The following ITGAE variants were observed in gnomAD, a reference collection of about 807,000 sequenced individuals.
ITGAE encodes the protein integrin subunit alpha E.
Under a neutral mutation model 136.5 loss-of-function variants are expected in ITGAE, and 99 were observed. The observed-to-expected ratio is 0.73, with a 90% CI of 0.62 to 0.86. The LOEUF (loss-of-function observed/expected upper bound fraction) is 0.86, where lower values mean the gene tolerates loss of function less well. ITGAE is among the 40% of genes least tolerant of loss of function. The probability of loss-of-function intolerance (pLI) is 0.00; values close to 1 mark genes in which losing one functional copy is unlikely to be tolerated. For missense variants in ITGAE, 1,447 were observed against 1,515.3 expected, an observed-to-expected ratio of 0.95 and a Z score of 0.75; for synonymous variants, 613 against 591.8, an observed-to-expected ratio of 1.04 and a Z score of -0.52.
intron 13 of ITGAE, 105 bp downstream of exon 13, chr17:3,753,678 G>T: frequency 7.0e-7 from 1 of 1,421,194 alleles, no homozygotes; most frequent in Non-Finnish European, 9.5e-7. Context: ...GTTTCACCCA[G>T]CCCGGGCCCT....
In ITGAE at chr17:3,798,618, C is replaced by T. The variant is rs559597350; in HGVS notation, c.34+2493G>A. ...CACGCACAGGCCCGGGGTGATGCCCCGGCACAGCCCCTGGCCTCAGCCCGA... is the reference window on the plus strand; with the variant it reads ...CACGCACAGGCCCGGGGTGATGCCCTGGCACAGCCCCTGGCCTCAGCCCGA... On this transcript the variant is annotated intron_variant, in intron 1 of 30. Transcript: ENST00000263087. This position sits in a 1 kb window ranked among gnomAD's most constrained non-coding sequence, Gnocchi z 4.3. Among the ~76,000 whole-genome samples, 6 of 152,306 alleles carry T rather than the reference C, an allele frequency of 3.9e-5. No individual in the cohort carries two copies. The highest frequency in any genetic ancestry group is 2.6e-4 in the Admixed American group (4 of 15,296).
intron 2 of ITGAE, 45 bp from the exon 3 acceptor site, chr17:3,764,005 T>C (rs372179412): frequency 3.0e-5 from 41 of 1,386,014 alleles, no homozygotes; most frequent in African/African-American, 5.7e-5. Flanking sequence ...CTGATGTTCC[T>C]CGTCTTCTCC....
At chr17:3,766,318 CAG>C (rs1019945367) in intron 2 of ITGAE, among the ~76,000 whole-genome samples, 8 of 152,148 alleles carry the variant, frequency 5.3e-5, no homozygotes, top group Admixed American at 2.0e-4. Flanking sequence ...GCAGGAGAAT[CAG>C]AGTCGGAGAA....
intron 1 of ITGAE, among the ~76,000 whole-genome samples, chr17:3,789,650 G>A (rs1298119166): frequency 1.3e-5 from 2 of 152,074 alleles, no homozygotes; most frequent in Non-Finnish European, 2.9e-5. Context: ...GCAGGCATGT[G>A]CCACCACACC....
rs748662940 is a variant in ITGAE at position 3,727,962 on chromosome 17, C to T, written c.3041G>A (p.Arg1014Gln). 3.7e-5 allele frequency: 59 copies of T among 1,613,986 alleles called. No homozygotes were observed. The highest frequency in any genetic ancestry group is 2.7e-4 in the East Asian group (12 of 44,902). The change falls in exon 26 of 31, where the codon CGA becomes CAA. Residue 1014 changes from arginine (R) to glutamine (Q), a missense_variant. Transcript: ENST00000263087. ...QLQICVPTKL[R>Q]GLQVVAVKKL... ...CTTCACTGCTACAACCTGGAGACCTCGTAATTTGGTTGGGACGCAAATTTG... is the reference window on the plus strand; with the variant it reads ...CTTCACTGCTACAACCTGGAGACCTTGTAATTTGGTTGGGACGCAAATTTG...
At chr17:3,794,119 C>T (rs1414561285) in intron 1 of ITGAE, among the ~76,000 whole-genome samples, 1 of 151,816 alleles carries the variant, frequency 6.6e-6, no homozygotes, top group African/African-American at 2.4e-5. Flanking sequence ...GCTGGGATTA[C>T]AGGCACCTGC....
intron 18 of ITGAE, among the ~76,000 whole-genome samples, chr17:3,745,276 T>C (rs2051684161): frequency 6.6e-6 from 1 of 152,182 alleles, no homozygotes; most frequent in African/African-American, 2.4e-5. Flanking sequence ...TCCTGAGTTA[T>C]TACCAAGAAA....
intron 15 of ITGAE, 108 bp downstream of exon 15, chr17:3,751,542 C>T (rs79313355): frequency 4.0e-6 from 4 of 1,001,184 alleles, no homozygotes; most frequent in Non-Finnish European, 6.0e-6. Flanking sequence ...TCCCAACCCC[C>T]GAGACCTGCC....
intron 2 of ITGAE, among the ~76,000 whole-genome samples, chr17:3,773,717 A>G (rs1409754734): frequency 6.6e-6 from 1 of 152,086 alleles, no homozygotes; most frequent in Admixed American, 6.6e-5. Flanking sequence ...GCCGCTGGTG[A>G]TCAACTAAAC....
At chr17:3,791,480 G>A (rs1212818049) in intron 1 of ITGAE, among the ~76,000 whole-genome samples, 2 of 151,880 alleles carry the variant, frequency 1.3e-5, no homozygotes, top group African/African-American at 2.4e-5. Flanking sequence ...ATGGGGTTTC[G>A]CCATGTTGGC....
intron 8 of ITGAE, 135 bp from the exon 9 acceptor site, chr17:3,757,994 G>T: frequency 9.8e-7 from 1 of 1,021,410 alleles, no homozygotes; most frequent in Non-Finnish European, 1.4e-6. Flanking sequence ...AGAAGGGGGT[G>T]ATGCCCCCTT....
intron 26 of ITGAE, among the ~76,000 whole-genome samples, chr17:3,727,488 C>T (rs1455031299): frequency 6.6e-6 from 1 of 151,804 alleles, no homozygotes; most frequent in Non-Finnish European, 1.5e-5. Flanking sequence ...CAAGCTCCGC[C>T]TCCCGGGCTC....
chr17:3,715,083 T>C, intron 30 of ITGAE, 141 bp from the exon 31 acceptor site: 1 of 613,558 alleles, frequency 1.6e-6, no homozygotes, highest in Non-Finnish European at 2.9e-6. Flanking sequence ...TAACTTACTC[T>C]GAATCTCTCC....
At chr17:3,791,338 A>G (rs2052934079) in intron 1 of ITGAE, among the ~76,000 whole-genome samples, 1 of 151,700 alleles carries the variant, frequency 6.6e-6, no homozygotes, top group African/African-American at 2.4e-5. Flanking sequence ...GCTGGAGTGC[A>G]GTGGTGCGAT....
In ITGAE at chr17:3,796,121, C is replaced by CTGTGTG. The variant is rs72002948; in HGVS notation, c.34+4984_34+4989dup. On this transcript the variant is annotated intron_variant, in intron 1 of 30. Coordinates refer to ENST00000263087, the MANE Select transcript of ITGAE (RefSeq NM_002208.5). ...TGTGTGTGCATCCCTGTGTGCATCC[C>CTGTGTG]TGTGTGTGCATCCATGTGTGTGCAT... Among the ~76,000 whole-genome samples, 561 of 131,720 alleles carry CTGTGTG rather than the reference C, an allele frequency of 4.3e-3. 15 individuals are homozygous for CTGTGTG. Among genetic ancestry groups the CTGTGTG allele is most frequent in the African/African-American group, 0.015 (521 of 34,580 alleles). The allele number at this position is 131,720 out of a possible 152,430, so 86.4% of individuals were successfully genotyped here. A position where few individuals can be genotyped will look rare whatever the true frequency, so the allele number is the denominator to read the frequency against.
intron 2 of ITGAE, among the ~76,000 whole-genome samples, chr17:3,777,105 C>A (rs552284291): frequency 6.6e-6 from 1 of 152,108 alleles, no homozygotes. Context: ...GGACTACAGG[C>A]GCCCGCCTCC....
chr17:3,733,264 C>T lies in ITGAE; in HGVS notation c.2656-798G>A, dbSNP rs7218115. On this transcript the variant is annotated intron_variant, in intron 21 of 30. Coordinates refer to ENST00000263087, the MANE Select transcript of ITGAE (RefSeq NM_002208.5). ...CCTCCCAAAGTGATGGGATTACAGCCGTGAGCCACGGTGCCCGGCCTAGGA... is the reference window on the plus strand; with the variant it reads ...CCTCCCAAAGTGATGGGATTACAGCTGTGAGCCACGGTGCCCGGCCTAGGA... Among the ~76,000 whole-genome samples the T allele has an allele frequency of 2.8e-3, 430 of 152,060 alleles. 1 individual carries two copies. Among genetic ancestry groups the T allele is most frequent in the African/African-American group, 9.6e-3 (398 of 41,474 alleles).
In ITGAE at chr17:3,751,665, G is replaced by A. The variant is rs769203784; in HGVS notation, c.1878C>T (p.Ser626=). ...CATGGGTCACCTGCGAGGGGCTGGC[G>A]GAGAGGCCGTCCCAGTGTCCATTGT... The part of the protein sequence containing the change: ...YIYNGHWDGL[S]ASPSQRIRAS... The change falls in exon 15 of 31, where the codon TCC becomes TCT. Residue 626 remains serine, a synonymous_variant. Transcript: ENST00000263087. 53 of 1,613,678 alleles carry A rather than the reference G, an allele frequency of 3.3e-5. No individual in the cohort carries two copies. Among genetic ancestry groups the A allele is most frequent in the Admixed American group, 8.3e-5 (5 of 59,960 alleles).
chr17:3,729,787 G>T (rs989986212), intron 23 of ITGAE: 3 of 414,052 alleles, frequency 7.2e-6, no homozygotes, highest in South Asian at 2.1e-5. Context: ...TAGAGATGGG[G>T]TTTCACCATG....
Sources: gnomAD v4.1 joint callset for allele counts (sites outside exome capture counted in the v4.1 genomes callset) on GRCh38, gnomAD v4.1.1 for gene constraint, Gnocchi (gnomAD v3.1) non-coding constraint, MANE v1.5 for transcripts, NCBI Gene and HGNC (gene_info 2026-07-23, HGNC 2026-07-21) for gene names.